The following TPTE2 variants were observed in gnomAD, a reference collection of about 807,000 sequenced individuals.
The protein encoded by TPTE2 is transmembrane phosphoinositide 3-phosphatase and tensin homolog 2.
A neutral mutation model predicts 78.6 loss-of-function variants in TPTE2; 53 were observed. The ratio of observed to expected loss-of-function variants is 0.67; its 90% CI spans 0.54 to 0.85. The LOEUF is 0.85. TPTE2 is among the 40% of genes least tolerant of loss of function. The probability of loss-of-function intolerance (pLI) is 0.00; values close to 1 mark genes in which losing one functional copy is unlikely to be tolerated. For missense variants in TPTE2, 461 were observed against 623.0 expected, an observed-to-expected ratio of 0.74 and a Z score of 2.77; for synonymous variants, 175 against 206.2, an observed-to-expected ratio of 0.85 and a Z score of 1.30.
the TPTE2 span, among the ~76,000 whole-genome samples, chr13:19,558,629 T>C: frequency 4.6e-5 from 7 of 152,364 alleles, no homozygotes; most frequent in African/African-American, 1.7e-4. Flanking sequence ...ATTTCATGTT[T>C]AGGTGCAATT....
chr13:19,494,265 T>C (rs1339141210), intron 1 of TPTE2, among the ~76,000 whole-genome samples: 1 of 152,204 alleles, frequency 6.6e-6, no homozygotes, highest in African/African-American at 2.4e-5. Context: ...GTGGAAGTTA[T>C]TTATACACGA....
chr13:19,511,421 A>G (rs1869434012), intron 1 of TPTE2, among the ~76,000 whole-genome samples: 1 of 152,272 alleles, frequency 6.6e-6, no homozygotes. Flanking sequence ...TATATACTGT[A>G]TATTAAACAT....
intron 13 of TPTE2, among the ~76,000 whole-genome samples, chr13:19,439,029 C>G (rs1877309640): frequency 6.6e-6 from 1 of 152,170 alleles, no homozygotes; most frequent in South Asian, 2.1e-4. Flanking sequence ...GGGAAAGACA[C>G]AGGGAAACGC....
chr13:19,459,318 C>T (rs761901534), intron 10 of TPTE2, among the ~76,000 whole-genome samples: 6 of 152,106 alleles, frequency 3.9e-5, no homozygotes, highest in South Asian at 2.1e-4. Context: ...GAGATACTGC[C>T]GGTGAAGCCT....
intron 18 of TPTE2, chr13:19,425,915 A>G (rs1368638356): frequency 2.4e-6 from 1 of 411,882 alleles, no homozygotes; most frequent in Non-Finnish European, 4.8e-6. Flanking sequence ...TGAGTCACCC[A>G]AACCTAACTC....
intron 1 of TPTE2, among the ~76,000 whole-genome samples, chr13:19,522,628 T>C (rs868558178): frequency 3.4e-5 from 5 of 145,976 alleles, no homozygotes; most frequent in South Asian, 2.2e-4. Context: ...TCTTTTTTTT[T>C]TTTTTTTTCT....
chr13:19,558,993 GA>G, the TPTE2 span, among the ~76,000 whole-genome samples: 1 of 152,054 alleles, frequency 6.6e-6, no homozygotes, highest in Non-Finnish European at 1.5e-5. Flanking sequence ...TAGTACTTCT[GA>G]AAAAGTCTAG....
Position 19,449,607 on chromosome 13 carries a change from T to C in TPTE2, c.973+469A>G, listed in dbSNP as rs562248235. On this transcript the variant is annotated intron_variant, in intron 13 of 19. Coordinates refer to ENST00000400230, the Ensembl canonical transcript of TPTE2. ...ACAAAAATATGTGGAGTAATACATA[T>C]GTTAATTAGCTTGATTTAGCCATTT... Among the ~76,000 whole-genome samples the C allele has an allele frequency of 1.4e-4, 22 of 152,352 alleles. 1 individual carries two copies. The South Asian group carries it at 4.3e-3, about 30-fold the overall frequency.
chr13:19,523,792 T>C (rs1870330633), intron 1 of TPTE2, among the ~76,000 whole-genome samples: 1 of 152,130 alleles, frequency 6.6e-6, no homozygotes, highest in South Asian at 2.1e-4. Flanking sequence ...TTTAAATATA[T>C]TTCTGAACTC....
At chr13:19,454,072 A>T (rs556152986) in intron 10 of TPTE2, among the ~76,000 whole-genome samples, 1 of 152,296 alleles carries the variant, frequency 6.6e-6, no homozygotes, top group African/African-American at 2.4e-5. Context: ...AGCAGTGGCC[A>T]AACTTGTTGA....
At chr13:19,534,930 C>T (rs974720590) in intron 1 of TPTE2, among the ~76,000 whole-genome samples, 4 of 152,188 alleles carry the variant, frequency 2.6e-5, no homozygotes, top group Non-Finnish European at 2.9e-5. Context: ...TTGCTGGGCA[C>T]GGTGGCTCAT....
intron 1 of TPTE2, among the ~76,000 whole-genome samples, chr13:19,500,288 T>C (rs1387977255): frequency 6.7e-6 from 1 of 150,130 alleles, no homozygotes; most frequent in South Asian, 2.1e-4. Context: ...GAATCCTCCC[T>C]AACTCATTTT....
At chr13:19,426,995 C>T (rs529227849) in intron 17 of TPTE2, among the ~76,000 whole-genome samples, 1 of 151,110 alleles carries the variant, frequency 6.6e-6, no homozygotes, top group Non-Finnish European at 1.5e-5. Flanking sequence ...TGAGCCACTG[C>T]ACCCGGCCTG....
chr13:19,516,286 T>A (rs924000936), intron 1 of TPTE2, among the ~76,000 whole-genome samples: 5 of 152,190 alleles, frequency 3.3e-5, no homozygotes, highest in African/African-American at 1.2e-4. Flanking sequence ...GCAGGCACAG[T>A]ACATAAGCTT....
intron 1 of TPTE2, 39 bp from the exon 5 acceptor site, chr13:19,493,540 T>A (rs185278279): frequency 5.3e-4 from 851 of 1,593,972 alleles, no homozygotes; most frequent in Non-Finnish European, 7.0e-4. Context: ...AGAGGAGACA[T>A]AATTCTGAAT....
intron 18 of TPTE2, 114 bp downstream of exon 21, chr13:19,426,311 T>G: frequency 1.3e-6 from 1 of 763,806 alleles, no homozygotes; most frequent in South Asian, 1.4e-5. Flanking sequence ...AGATCTGATT[T>G]ATTGTTTTCC....
At chr13:19,468,725 A>G (rs944409889) in intron 6 of TPTE2, among the ~76,000 whole-genome samples, 1 of 152,198 alleles carries the variant, frequency 6.6e-6, no homozygotes, top group Non-Finnish European at 1.5e-5. Flanking sequence ...GGGTGAGATG[A>G]TATCTCATGG....
chr13:19,492,313 C>T (rs1033992487), intron 3 of TPTE2, among the ~76,000 whole-genome samples: 5 of 152,216 alleles, frequency 3.3e-5, no homozygotes. Flanking sequence ...ACAGAGCTCT[C>T]GAGGGTGTGG....
upstream of TPTE2, among the ~76,000 whole-genome samples, chr13:19,507,304 T>A (rs1201627988): frequency 4.5e-5 from 5 of 112,170 alleles, no homozygotes; most frequent in South Asian, 3.2e-4. Flanking sequence ...CTAGCTGTTC[T>A]AAAAAAAAAA....
Sources: allele counts gnomAD v4.1 joint callset (sites outside exome capture counted in the v4.1 genomes callset), GRCh38; gene constraint gnomAD v4.1.1; transcripts MANE v1.5; gene names NCBI Gene and HGNC (gene_info 2026-07-23, HGNC 2026-07-21).